The following SMAD6 variants were observed in gnomAD, a reference collection of about 807,000 sequenced individuals.
SMAD6 encodes the protein SMAD family member 6.
Under a neutral mutation model 39.4 loss-of-function variants are expected in SMAD6, and 103 were observed. That is an observed-to-expected ratio of 2.62 (90% CI 2.23 to 3.08). The LOEUF (loss-of-function observed/expected upper bound fraction) is 3.08. Among genes scored for constraint, SMAD6 ranks in the 30% most tolerant of loss-of-function variants. SMAD6 has a pLI of 0.00. For missense variants in SMAD6, 1,104 were observed against 742.9 expected, an observed-to-expected ratio of 1.49 and a Z score of -5.65; for synonymous variants, 445 against 353.3, an observed-to-expected ratio of 1.26 and a Z score of -2.91.
Position 66,741,325 on chromosome 15 carries a change from CA to C in SMAD6, c.952+24830del, listed in dbSNP as rs1316936650. On this transcript the variant is annotated intron_variant, in intron 3 of 3. Transcript: ENST00000288840. ...ATACCCCATTTGAGGTGGTTTGCCT[CA>C]AACCCCACCCTCAAATCCATCACGT... 1.7e-3 allele frequency among the ~76,000 whole-genome samples: 53 copies of C among 30,700 alleles called. No homozygotes were observed. In the Admixed American group the frequency reaches 0.018, roughly 10 times the overall value. 20.1% of individuals were successfully genotyped at this position (30,700 alleles called of 152,430 possible). A position where few individuals can be genotyped will look rare whatever the true frequency, so the allele number is the denominator to read the frequency against.
At chr15:66,730,073 A>G (rs921100143) in intron 3 of SMAD6, among the ~76,000 whole-genome samples, 7 of 152,184 alleles carry the variant, frequency 4.6e-5, no homozygotes, top group Admixed American at 3.9e-4. Context: ...TCTTGCCCAG[A>G]TGCGGGGACA....
In SMAD6 at chr15:66,781,091, G is replaced by GT; in HGVS notation, c.1048dup (p.Tyr350LeufsTer215). 1 of 1,608,074 alleles carries GT rather than the reference G, an allele frequency of 6.2e-7. No homozygotes were observed. The highest frequency in any genetic ancestry group is 8.5e-7 in the Non-Finnish European group (1 of 1,179,412). The stretch of plus-strand genomic sequence containing the variant: ...CGCGCGTGGGCCGCCTCTATGCGGT[G>GT]TACGACCAGGCCGTCAGCATCTTCT... On this transcript the variant is annotated frameshift_variant, in exon 4 of 4. Transcript: ENST00000288840. LOFTEE classifies it high-confidence loss of function.
rs947207850 is a variant in SMAD6 at position 66,747,720 on chromosome 15, G to A, written c.952+31222G>A. 1.3e-5 allele frequency among the ~76,000 whole-genome samples: 2 copies of A among 152,194 alleles called. No individual in the cohort carries two copies. The highest frequency in any genetic ancestry group is 4.8e-5 in the African/African-American group (2 of 41,452). On this transcript the variant is annotated intron_variant, in intron 3 of 3. Coordinates refer to ENST00000288840, the MANE Select transcript of SMAD6 (RefSeq NM_005585.5). The surrounding 1 kb of genome is among the most constrained non-coding windows in gnomAD (Gnocchi z 4.5). ...AGTGTAAATTTGATAGAGGTTGAAC[G>A]AAACACCTGCCTTAGAATGCAGGGC... is the stretch of plus-strand genomic sequence containing the variant.
chr15:66,751,208 T>C, intron 3 of SMAD6, among the ~76,000 whole-genome samples: 1 of 152,186 alleles, frequency 6.6e-6, no homozygotes, highest in Non-Finnish European at 1.5e-5. Flanking sequence ...GTGATCATCT[T>C]TGCTCTGCAG....
chr15:66,703,885 G>A lies in SMAD6; in HGVS notation c.627G>A (p.Pro209=), dbSNP rs1893043579. ...GGVPGGCVLV[P]RADLRLGGQP... Reference sequence around the variant, plus strand: ...TGCCGGGCGGCTGCGTGCTGGTGCCGCGCGCCGACCTCCGCCTGGGCGGCC... The same window carrying A: ...TGCCGGGCGGCTGCGTGCTGGTGCCACGCGCCGACCTCCGCCTGGGCGGCC... Residue 209 remains proline (P), a synonymous_variant, in exon 1 of 4, where the codon CCG becomes CCA. Coordinates refer to ENST00000288840, the MANE Select transcript of SMAD6 (RefSeq NM_005585.5). 3 of 1,311,116 alleles carry A rather than the reference G, an allele frequency of 2.3e-6. No homozygotes were observed. The highest frequency in any genetic ancestry group is 1.9e-6 in the Non-Finnish European group (2 of 1,029,496). The allele number at this position is 1,311,116 out of a possible 1,614,324, so 81.2% of individuals were successfully genotyped here.
intron 3 of SMAD6, among the ~76,000 whole-genome samples, chr15:66,746,334 T>C (rs60738942): frequency 0.048 from 7,320 of 152,218 alleles, 580 homozygotes; most frequent in African/African-American, 0.16. Flanking sequence ...TCCTCCCTCC[T>C]GTGGGGCATG....
chr15:66,724,723 A>G (rs888933272), intron 3 of SMAD6, among the ~76,000 whole-genome samples: 4 of 152,154 alleles, frequency 2.6e-5, no homozygotes, highest in Non-Finnish European at 4.4e-5. Flanking sequence ...AGCATGAACA[A>G]TGATCACCCC....
intron 2 of SMAD6, among the ~76,000 whole-genome samples, chr15:66,715,623 C>A (rs574482640): frequency 1.3e-5 from 2 of 152,312 alleles, no homozygotes; most frequent in South Asian, 4.1e-4. Context: ...TCCAAGTCGG[C>A]CTGTCCCAAA....
intron 2 of SMAD6, among the ~76,000 whole-genome samples, chr15:66,713,646 A>G (rs1277807348): frequency 6.6e-6 from 1 of 152,056 alleles, no homozygotes; most frequent in Non-Finnish European, 1.5e-5. Flanking sequence ...TGTCGTAGAC[A>G]CTCAGGCATA....
chr15:66,759,757 A>C (rs1043006917), intron 3 of SMAD6, among the ~76,000 whole-genome samples: 1 of 152,212 alleles, frequency 6.6e-6, no homozygotes, highest in African/African-American at 2.4e-5. Flanking sequence ...CACTTGTAGA[A>C]TCCACTTGTC....
intron 3 of SMAD6, among the ~76,000 whole-genome samples, chr15:66,758,482 C>A (rs939309635): frequency 6.6e-6 from 1 of 152,168 alleles, no homozygotes; most frequent in African/African-American, 2.4e-5. Context: ...AATCCCAGCA[C>A]TTTGGGAGGC....
chr15:66,765,910 A>G (rs1397381735), intron 3 of SMAD6, among the ~76,000 whole-genome samples: 2 of 152,158 alleles, frequency 1.3e-5, no homozygotes, highest in African/African-American at 4.8e-5. Flanking sequence ...TTCCCCACTG[A>G]GGAGGAAGTG....
At chr15:66,776,952 G>A (rs979184996) in intron 3 of SMAD6, among the ~76,000 whole-genome samples, 15 of 152,078 alleles carry the variant, frequency 9.9e-5, no homozygotes, top group Non-Finnish European at 1.5e-4. Context: ...AGGGAGAATC[G>A]CTTGAGCCTG....
chr15:66,762,123 A>C (rs1894210726), intron 3 of SMAD6, among the ~76,000 whole-genome samples: 1 of 152,224 alleles, frequency 6.6e-6, no homozygotes, highest in Non-Finnish European at 1.5e-5. Context: ...TGAGAGAAAA[A>C]AATAATGCGT....
intron 3 of SMAD6, among the ~76,000 whole-genome samples, chr15:66,765,155 C>CT (rs778605842): frequency 3.5e-4 from 53 of 152,370 alleles, no homozygotes; most frequent in Non-Finnish European, 7.5e-4. Flanking sequence ...TCACCTGGCA[C>CT]TTTCCTTCAG....
chr15:66,769,803 C>T (rs1451636288), intron 3 of SMAD6, among the ~76,000 whole-genome samples: 4 of 152,184 alleles, frequency 2.6e-5, no homozygotes, highest in East Asian at 1.9e-4. Flanking sequence ...GCTCTGGGAA[C>T]CTGCAAGATG....
intron 3 of SMAD6, among the ~76,000 whole-genome samples, chr15:66,774,831 T>C (rs561295869): frequency 6.8e-6 from 1 of 146,574 alleles, no homozygotes; most frequent in South Asian, 2.2e-4. Flanking sequence ...ACCACTATTC[T>C]GATTTATTTT....
At chr15:66,736,826 C>T (rs1272899583) in intron 3 of SMAD6, among the ~76,000 whole-genome samples, 1 of 152,128 alleles carries the variant, frequency 6.6e-6, no homozygotes, top group Non-Finnish European at 1.5e-5. Flanking sequence ...TCCGCCACCA[C>T]GCCCAGCTAA....
chr15:66,707,246 C>T (rs951550410), intron 1 of SMAD6: 4 of 151,912 alleles, frequency 2.6e-5, no homozygotes, highest in Non-Finnish European at 5.9e-5. Context: ...CCATTAACTT[C>T]GGAATAAATC....
Sources: allele counts gnomAD v4.1 joint callset (sites outside exome capture counted in the v4.1 genomes callset), GRCh38; gene constraint gnomAD v4.1.1; non-coding constraint Gnocchi (gnomAD v3.1); transcripts MANE v1.5; gene names NCBI Gene and HGNC (gene_info 2026-07-23, HGNC 2026-07-21).